Variants in PCNX2 observed in about 807,000 individuals in gnomAD.
The protein encoded by PCNX2 is pecanex 2.
In PCNX2, 168 loss-of-function variants were observed where a neutral mutation model predicts 223.8. That is an observed-to-expected ratio of 0.75 (90% CI 0.66 to 0.85). PCNX2 has a LOEUF of 0.85. PCNX2 is among the 40% of genes least tolerant of loss of function. The pLI is 0.00. For synonymous variants in PCNX2, 1,006 were observed against 1,052.6 expected (o/e 0.96, Z 0.86); for missense variants, 2,507 against 2,675.5 (o/e 0.94, Z 1.39).
upstream of PCNX2, among the ~76,000 whole-genome samples, chr1:233,297,636 A>G (rs764383146): frequency 8.5e-5 from 13 of 152,222 alleles, no homozygotes; most frequent in Non-Finnish European, 1.6e-4. Context: ...GGAAAATGTC[A>G]GGATAGTCTA....
intron 25 of PCNX2, among the ~76,000 whole-genome samples, chr1:233,033,518 T>C (rs539643342): frequency 4.1e-4 from 62 of 152,310 alleles, no homozygotes; most frequent in African/African-American, 1.3e-3. Flanking sequence ...GGATCATAGC[T>C]ATTTCTGGCA....
chr1:233,126,541 A>G lies in PCNX2; in HGVS notation c.3837+8472T>C, dbSNP rs1199475969. Among the ~76,000 whole-genome samples, 1 of 151,920 alleles carries G rather than the reference A, an allele frequency of 6.6e-6. No homozygotes were observed. Among genetic ancestry groups the G allele is most frequent in the African/African-American group, 2.4e-5 (1 of 41,342 alleles). On this transcript the variant is annotated intron_variant, in intron 21 of 33. Transcript: ENST00000258229. This position sits in a 1 kb window ranked among gnomAD's most constrained non-coding sequence, Gnocchi z 4.8. ...TTTGTGTGTGTGTGTGTGTGTGTAA[A>G]TATACCAGAGGACTGGGAGGATTTA...
intron 21 of PCNX2, among the ~76,000 whole-genome samples, chr1:233,125,661 C>T (rs1208226290): frequency 7.2e-5 from 11 of 152,142 alleles, no homozygotes; most frequent in Admixed American, 5.9e-4. Flanking sequence ...TGACACAAAA[C>T]GTCAATGAGA....
chr1:233,172,356 T>C (rs1329076036), intron 17 of PCNX2: 1 of 985,278 alleles, frequency 1.0e-6, no homozygotes, highest in Non-Finnish European at 1.2e-6. Context: ...GGGTACCACG[T>C]TAAATGTCTT....
chr1:233,148,701 C>T (rs189766112), intron 19 of PCNX2, among the ~76,000 whole-genome samples: 51 of 152,306 alleles, frequency 3.3e-4, no homozygotes, highest in African/African-American at 1.2e-3. Context: ...CATGCCCGGC[C>T]TTAATTTCAC....
intron 1 of PCNX2, among the ~76,000 whole-genome samples, chr1:233,277,623 G>A (rs373480381): frequency 7.9e-5 from 12 of 152,278 alleles, no homozygotes; most frequent in African/African-American, 1.4e-4. Flanking sequence ...CTATCTTGGC[G>A]TCAAGGCAGT....
intron 16 of PCNX2, 92 bp from the exon 17 acceptor site, chr1:233,177,990 T>C: frequency 1.1e-6 from 1 of 912,094 alleles, no homozygotes; most frequent in East Asian, 2.6e-5. Context: ...CACCCACACA[T>C]GACAAAAACA....
chr1:233,139,439 C>T lies in PCNX2; in HGVS notation c.3659+275G>A, dbSNP rs968471342. ...CTGTGCTTCCGTCTTCTTATTAAGGCTCACTGACTAAGCTTCTGCAGGATG... is the reference window on the plus strand; with the variant it reads ...CTGTGCTTCCGTCTTCTTATTAAGGTTCACTGACTAAGCTTCTGCAGGATG... On this transcript the variant is annotated intron_variant, in intron 20 of 33. Transcript: ENST00000258229. The surrounding 1 kb of genome is among the most constrained non-coding windows in gnomAD (Gnocchi z 4.4). 1.2e-4 allele frequency among the ~76,000 whole-genome samples: 19 copies of T among 152,182 alleles called. No homozygotes were observed. The highest frequency in any genetic ancestry group is 1.2e-3 in the Admixed American group (18 of 15,276).
intron 21 of PCNX2, among the ~76,000 whole-genome samples, chr1:233,129,933 T>A (rs1676361299): frequency 6.6e-6 from 1 of 152,178 alleles, no homozygotes; most frequent in African/African-American, 2.4e-5. Flanking sequence ...CTTTCACTCT[T>A]TGCAATAAAC....
At chr1:233,181,467 G>A (rs1679798513) in intron 15 of PCNX2, among the ~76,000 whole-genome samples, 1 of 151,992 alleles carries the variant, frequency 6.6e-6, no homozygotes, top group African/African-American at 2.4e-5. Context: ...CAAAGTGCTG[G>A]GATTAAAGGG....
At chr1:233,106,347 CTTTT>C (rs912803573) in intron 21 of PCNX2, among the ~76,000 whole-genome samples, 3 of 115,684 alleles carry the variant, frequency 2.6e-5, no homozygotes, top group African/African-American at 1.0e-4. Flanking sequence ...TCTCCTCCCT[CTTTT>C]TTTTTTTTTT....
At chr1:233,008,134 C>A (rs931455490) in intron 28 of PCNX2, among the ~76,000 whole-genome samples, 8 of 152,200 alleles carry the variant, frequency 5.3e-5, no homozygotes, top group Admixed American at 1.3e-4. Flanking sequence ...CCTGCACAGA[C>A]CCTGAATTGA....
chr1:233,065,989 A>G (rs1048318457), intron 23 of PCNX2, among the ~76,000 whole-genome samples: 1 of 152,128 alleles, frequency 6.6e-6, no homozygotes, highest in Non-Finnish European at 1.5e-5. Context: ...CTTTCAGCCA[A>G]TTGAATGGTG....
the PCNX2 span, among the ~76,000 whole-genome samples, chr1:233,302,291 G>A: frequency 6.6e-6 from 1 of 151,462 alleles, no homozygotes; most frequent in African/African-American, 2.4e-5. Context: ...TTTTTTCTAG[G>A]AATTTGTTCA....
chr1:233,050,549 C>A (rs1671968118), intron 25 of PCNX2, among the ~76,000 whole-genome samples: 1 of 152,172 alleles, frequency 6.6e-6, no homozygotes, highest in Non-Finnish European at 1.5e-5. Flanking sequence ...GCCATCTGAT[C>A]TTTGACAAAG....
Position 233,258,663 on chromosome 1 carries a change from C to T in PCNX2, c.1199G>A (p.Gly400Asp). 1 of 1,613,958 alleles carries T rather than the reference C, an allele frequency of 6.2e-7. No individual in the cohort carries two copies. The highest frequency in any genetic ancestry group is 1.1e-5 in the South Asian group (1 of 91,080). The change falls in exon 5 of 34, where the codon GGC (glycine) becomes GAC (aspartate). Residue 400 changes from glycine to aspartate, a missense_variant. Coordinates refer to ENST00000258229, the MANE Select transcript of PCNX2 (RefSeq NM_014801.4). Reference protein sequence around the residue: ...LESSLHLRVVGTEKTSVKSDA... With the variant: ...LESSLHLRVVDTEKTSVKSDA... ...AGACTTTACACTGGTCTTCTCTGTG[C>T]CAACCACCCTCAGGTGGAGGGAGCT...
At chr1:233,012,427 C>A (rs1670500991) in intron 28 of PCNX2, among the ~76,000 whole-genome samples, 1 of 151,852 alleles carries the variant, frequency 6.6e-6, no homozygotes, top group African/African-American at 2.4e-5. Context: ...AAGAAGTTGT[C>A]TTTTGTAAGT....
intron 21 of PCNX2, among the ~76,000 whole-genome samples, chr1:233,120,898 A>G (rs1675742316): frequency 6.6e-6 from 1 of 152,126 alleles, no homozygotes; most frequent in Non-Finnish European, 1.5e-5. Context: ...TACTAACTAT[A>G]AGTTTGATAC....
chr1:233,055,741 C>A (rs1672168516), intron 24 of PCNX2, among the ~76,000 whole-genome samples: 1 of 152,134 alleles, frequency 6.6e-6, no homozygotes, highest in South Asian at 2.1e-4. Context: ...AAGCAAAACT[C>A]AATGCTCCCT....
Sources: allele counts gnomAD v4.1 joint callset (sites outside exome capture counted in the v4.1 genomes callset), GRCh38; gene constraint gnomAD v4.1.1; non-coding constraint Gnocchi (gnomAD v3.1); transcripts MANE v1.5; gene names NCBI Gene and HGNC (gene_info 2026-07-23, HGNC 2026-07-21).